The following CSMD1 variants were observed in gnomAD, a reference collection of about 807,000 sequenced individuals.
CSMD1 encodes CUB and Sushi multiple domains 1.
CSMD1 carries 213 observed loss-of-function variants against 417.5 expected under a neutral mutation model. The observed-to-expected ratio is 0.51, with a 90% confidence interval of 0.46 to 0.57. The LOEUF (loss-of-function observed/expected upper bound fraction) is 0.57, where lower values mean the gene tolerates loss of function less well. CSMD1 is among the 20% of genes least tolerant of loss of function. The probability of loss-of-function intolerance (pLI) is 0.00; values close to 1 mark genes in which losing one functional copy is unlikely to be tolerated. For missense variants in CSMD1, 6,923 were observed against 4,529.7 expected, an observed-to-expected ratio of 1.53 and a Z score of -15.17; for synonymous variants, 2,862 against 1,736.8, an observed-to-expected ratio of 1.65 and a Z score of -16.11.
In CSMD1 at chr8:3,941,732, G is replaced by C. The variant is rs148106536; in HGVS notation, c.818+56171C>G. 5.3e-5 allele frequency among the ~76,000 whole-genome samples: 8 copies of C among 152,182 alleles called. No homozygotes were observed. The East Asian group carries it at 1.5e-3, about 29-fold the overall frequency. ...GTTATTTATTTATTTTTTAACTACAGAGCTAAATCTTGCCTAAAACAGCAT... is the reference window on the plus strand; with the variant it reads ...GTTATTTATTTATTTTTTAACTACACAGCTAAATCTTGCCTAAAACAGCAT... On this transcript the variant is annotated intron_variant, in intron 5 of 69. Coordinates refer to ENST00000635120, the MANE Select transcript of CSMD1 (RefSeq NM_033225.6).
At chr8:3,769,948 G>C (rs948975594) in intron 5 of CSMD1, among the ~76,000 whole-genome samples, 8 of 152,174 alleles carry the variant, frequency 5.3e-5, no homozygotes, top group African/African-American at 1.9e-4. Flanking sequence ...AATAGGCTTT[G>C]GGAAGAAGCC....
At chr8:3,178,197 C>T (rs976243954) in intron 37 of CSMD1, among the ~76,000 whole-genome samples, 1 of 152,128 alleles carries the variant, frequency 6.6e-6, no homozygotes, top group African/African-American at 2.4e-5. Flanking sequence ...TACAGCCCAT[C>T]TTTCAAATAT....
chr8:4,196,940 T>C (rs1176143406), intron 3 of CSMD1, among the ~76,000 whole-genome samples: 1 of 152,222 alleles, frequency 6.6e-6, no homozygotes, highest in Non-Finnish European at 1.5e-5. Flanking sequence ...AATTTGTTTG[T>C]TCTTTGCTCC....
intron 37 of CSMD1, among the ~76,000 whole-genome samples, chr8:3,168,543 C>G (rs556858784): frequency 6.6e-6 from 1 of 151,946 alleles, no homozygotes; most frequent in African/African-American, 2.4e-5. Flanking sequence ...AAGTAAATGT[C>G]AAATGCCATG....
At chr8:3,930,571 C>A (rs956920417) in intron 5 of CSMD1, among the ~76,000 whole-genome samples, 3 of 150,424 alleles carry the variant, frequency 2.0e-5, no homozygotes, top group African/African-American at 4.9e-5. Context: ...AATACAGAAT[C>A]TGAGGTCCCG....
intron 5 of CSMD1, among the ~76,000 whole-genome samples, chr8:3,880,501 T>C (rs1331325221): frequency 6.6e-6 from 1 of 152,198 alleles, no homozygotes; most frequent in East Asian, 1.9e-4. Flanking sequence ...GAGTTATAAA[T>C]AAAATTTGAT....
At chr8:3,181,700 G>A (rs1226127484) in intron 36 of CSMD1, among the ~76,000 whole-genome samples, 1 of 152,114 alleles carries the variant, frequency 6.6e-6, no homozygotes, top group African/African-American at 2.4e-5. Context: ...GCTTAGTAAT[G>A]TTCCCCCTGG....
At chr8:4,085,728 C>G (rs1488219935) in intron 3 of CSMD1, among the ~76,000 whole-genome samples, 2 of 152,004 alleles carry the variant, frequency 1.3e-5, no homozygotes, top group Admixed American at 6.6e-5. Context: ...CTGGAAATGA[C>G]CTAATAGTAA....
chr8:4,826,339 C>T (rs1799825113), intron 1 of CSMD1, among the ~76,000 whole-genome samples: 1 of 151,890 alleles, frequency 6.6e-6, no homozygotes, highest in African/African-American at 2.4e-5. Context: ...ACATATAATA[C>T]ATATATAATT....
intron 7 of CSMD1, among the ~76,000 whole-genome samples, chr8:3,660,778 C>G (rs184813383): frequency 3.9e-5 from 6 of 152,152 alleles, no homozygotes; most frequent in African/African-American, 1.4e-4. Context: ...ACCTCGGCCT[C>G]TCAAAGTGCT....
intron 3 of CSMD1, among the ~76,000 whole-genome samples, chr8:4,120,205 A>T (rs1802402863): frequency 6.6e-6 from 1 of 152,188 alleles, no homozygotes; most frequent in South Asian, 2.1e-4. Context: ...CACAAAATTT[A>T]AAATAAAAAA....
At chr8:3,076,591 T>C (rs548517249) in intron 49 of CSMD1, among the ~76,000 whole-genome samples, 1 of 152,152 alleles carries the variant, frequency 6.6e-6, no homozygotes, top group Non-Finnish European at 1.5e-5. Flanking sequence ...CTGGAAGATA[T>C]TCCCATAACT....
Position 4,190,543 on chromosome 8 carries a change from C to CTTT in CSMD1, c.416-158447_416-158445dup, listed in dbSNP as rs11397580. Reference sequence around the variant, plus strand: ...TTAAAATTTTACATACACATATAAGCTTTTTTTTTTTTAACTGAAAGAGAC... The same window carrying CTTT: ...TTAAAATTTTACATACACATATAAGCTTTTTTTTTTTTTTTAACTGAAAGAGAC... On this transcript the variant is annotated intron_variant, in intron 3 of 69. Coordinates refer to ENST00000635120, the MANE Select transcript of CSMD1 (RefSeq NM_033225.6). Among the ~76,000 whole-genome samples, 30 of 147,954 alleles carry CTTT rather than the reference C, an allele frequency of 2.0e-4. 1 individual carries two copies. Among genetic ancestry groups the CTTT allele is most frequent in the African/African-American group, 6.7e-4 (27 of 40,268 alleles).
At chr8:3,561,098 A>G (rs1799449569) in intron 10 of CSMD1, among the ~76,000 whole-genome samples, 1 of 152,232 alleles carries the variant, frequency 6.6e-6, no homozygotes, top group South Asian at 2.1e-4. Context: ...GTGAGATGCC[A>G]CCTCACACCA....
intron 1 of CSMD1, chr8:4,787,881 G>A (rs956316969): frequency 1.3e-6 from 2 of 1,578,108 alleles, no homozygotes; most frequent in Middle Eastern, 2.3e-4. Flanking sequence ...TGGTTGATAT[G>A]AAGATTGAAT....
chr8:4,563,586 G>A (rs2927551), intron 2 of CSMD1, among the ~76,000 whole-genome samples: 1,971 of 152,148 alleles, frequency 0.013, 26 homozygotes, highest in South Asian at 0.026. Flanking sequence ...TAAATGAGTT[G>A]AAGACAATGA....
intron 5 of CSMD1, among the ~76,000 whole-genome samples, chr8:3,805,528 T>C (rs918930923): frequency 6.6e-6 from 1 of 152,160 alleles, no homozygotes; most frequent in Non-Finnish European, 1.5e-5. Flanking sequence ...TGGAACACTT[T>C]CATCTGCAGT....
At chr8:3,945,214 C>G (rs1260584301) in intron 5 of CSMD1, among the ~76,000 whole-genome samples, 5 of 147,364 alleles carry the variant, frequency 3.4e-5, no homozygotes, top group African/African-American at 9.9e-5. Flanking sequence ...CTAACTATTT[C>G]TTCTGGAAAA....
intron 51 of CSMD1, among the ~76,000 whole-genome samples, chr8:3,027,366 G>C (rs953999046): frequency 6.6e-6 from 1 of 152,054 alleles, no homozygotes; most frequent in Non-Finnish European, 1.5e-5. Flanking sequence ...AAAAATTCCA[G>C]ATAACCATAC....
Sources: gnomAD v4.1 joint callset for allele counts (sites outside exome capture counted in the v4.1 genomes callset) on GRCh38, gnomAD v4.1.1 for gene constraint, MANE v1.5 for transcripts, NCBI Gene and HGNC (gene_info 2026-07-23, HGNC 2026-07-21) for gene names.